ZNF333: variants seen among roughly 807,000 people sequenced by gnomAD.
ZNF333 encodes zinc finger protein 333.
In ZNF333, 61 loss-of-function variants were observed where a neutral mutation model predicts 76.1. The ratio of observed to expected loss-of-function variants is 0.80; its 90% CI spans 0.65 to 0.99. The LOEUF is 0.99. ZNF333 is among the 50% of genes least tolerant of loss of function. The pLI, the probability that ZNF333 is intolerant of heterozygous loss-of-function variation, is 0.00. For synonymous variants in ZNF333, 284 were observed against 305.0 expected, an observed-to-expected ratio of 0.93 and a Z score of 0.72; for missense variants, 717 against 822.4, an observed-to-expected ratio of 0.87 and a Z score of 1.57.
intron 7 of ZNF333, chr19:14,715,005 T>C: frequency 5.5e-6 from 1 of 182,394 alleles, no homozygotes; most frequent in Non-Finnish European, 1.2e-5. Context: ...AATTATGGAG[T>C]CTATGGCTCT....
At chr19:14,696,001 A>G (rs1973157624) in intron 4 of ZNF333, among the ~76,000 whole-genome samples, 1 of 152,156 alleles carries the variant, frequency 6.6e-6, no homozygotes, top group Non-Finnish European at 1.5e-5. Flanking sequence ...CAACATGGCA[A>G]AACCCCATCT....
intron 10 of ZNF333, 158 bp from the exon 11 acceptor site, chr19:14,717,499 C>T: frequency 1.6e-6 from 1 of 624,354 alleles, no homozygotes; most frequent in South Asian, 2.0e-5. Context: ...TTTTCCTTAA[C>T]TTTTAGATGC....
At chr19:14,703,841 G>A (rs2042034028) in intron 5 of ZNF333, among the ~76,000 whole-genome samples, 1 of 152,186 alleles carries the variant, frequency 6.6e-6, no homozygotes, top group Admixed American at 6.5e-5. Flanking sequence ...CACGGGATTT[G>A]GAGATGAAGT....
At position 14,715,487 on chromosome 19, in the gene ZNF333, T is replaced by G. The variant is rs1378028340; in HGVS notation, c.600+17T>G. 6.2e-7 allele frequency: 1 copy of G among 1,611,044 alleles called. No individual in the cohort carries two copies. The highest frequency in any genetic ancestry group is 1.7e-5 in the Admixed American group (1 of 59,902). On this transcript the variant is annotated intron_variant, in intron 8 of 11. Transcript: ENST00000292530. The stretch of plus-strand genomic sequence containing the variant: ...TGTTCACAGGTAGGTAAGAACTTCT[T>G]GTTCTAAAAGAACACTGCTGTGCCC...
exon 12 of ZNF333, chr19:14,732,630 T>G (rs1366437534): frequency 6.6e-6 from 1 of 152,204 alleles, no homozygotes; most frequent in Non-Finnish European, 1.5e-5. Context: ...GTTTTTACAT[T>G]TTTCAAATGG....
At position 14,718,300 on chromosome 19, in the gene ZNF333, C is replaced by T. The variant is rs2042496376; in HGVS notation, c.973C>T (p.Leu325Phe). 1.2e-6 allele frequency: 2 copies of T among 1,614,080 alleles called. No individual in the cohort carries two copies. Among genetic ancestry groups the T allele is most frequent in the Non-Finnish European group, 1.7e-6 (2 of 1,180,050 alleles). The part of the protein sequence containing the change: ...LEKPFNSIEP[L>F]FQYQRIHAGE... ...GAAACCTTTTAACAGCATTGAACCA[C>T]TTTTCCAGTACCAGAGAATTCATGC... is the stretch of plus-strand genomic sequence containing the variant. Residue 325 changes from leucine (L) to phenylalanine (F), a missense_variant, in exon 12 of 12, where the codon CTT (leucine) becomes TTT (phenylalanine). Transcript: ENST00000292530.
chr19:14,699,104 G>GTA, intron 4 of ZNF333, 95 bp from the exon 5 acceptor site: 1 of 930,002 alleles, frequency 1.1e-6, no homozygotes. Context: ...TGTATAGTGT[G>GTA]TATATATATT....
intron 3 of ZNF333, 108 bp from the exon 4 acceptor site, chr19:14,695,458 T>C: frequency 9.2e-7 from 1 of 1,090,938 alleles, no homozygotes; most frequent in Admixed American, 2.0e-5. Context: ...GCCCAGAGAA[T>C]CTGAAGCCCA....
rs201018533 is a variant in ZNF333, at chr19:14,716,175, T to C, written c.664T>C (p.Ser222Pro). ...FTPEEWVFLD[S>P]TQRSLYRDVM... ...CCCAGAAGAATGGGTGTTTCTGGAC[T>C]CTACTCAGAGGAGCCTGTATAGAGA... is the stretch of plus-strand genomic sequence containing the variant. Residue 222 changes from serine to proline, a missense_variant, in exon 9 of 12, where the codon TCT becomes CCT. Ser to Pro is a moderately conservative substitution (Grantham distance 74). Coordinates refer to ENST00000292530, the MANE Select transcript of ZNF333 (RefSeq NM_032433.4). The C allele has an allele frequency of 1.8e-4, 294 of 1,614,164 alleles. 3 individuals are homozygous for C. The South Asian group carries it at 1.8e-3, about 10-fold the overall frequency.
intron 7 of ZNF333, among the ~76,000 whole-genome samples, chr19:14,713,823 T>C (rs2042346590): frequency 6.6e-6 from 1 of 151,776 alleles, no homozygotes; most frequent in Non-Finnish European, 1.5e-5. Context: ...TAACAGGGTG[T>C]GGTGGTGCAC....
At chr19:14,705,941 C>G (rs141270499) in intron 6 of ZNF333, 1 of 354,770 alleles carries the variant, frequency 2.8e-6, no homozygotes, top group African/African-American at 2.1e-5. Context: ...CTGTAAGGCA[C>G]GTCCTGAGCC....
intron 6 of ZNF333, among the ~76,000 whole-genome samples, chr19:14,705,411 G>T (rs2042080410): frequency 6.6e-6 from 1 of 152,126 alleles, no homozygotes; most frequent in Non-Finnish European, 1.5e-5. Flanking sequence ...TGTAGGCCCT[G>T]CCTTTCCTGG....
Position 14,718,475 on chromosome 19 carries a change from G to C in ZNF333, c.1148G>C (p.Arg383Thr). The C allele has an allele frequency of 6.2e-7, 1 of 1,614,206 alleles. No homozygotes were observed. Among genetic ancestry groups the C allele is most frequent in the East Asian group, 2.2e-5 (1 of 44,884 alleles). Residue 383 changes from arginine (R) to threonine (T), a missense_variant, in exon 12 of 12, where the codon AGG becomes ACG. Physicochemically the swap from Arg to Thr is moderately conservative, Grantham distance 71. Transcript: ENST00000292530. Reference sequence around the variant, plus strand: ...TTCAGATACAGCTCTGACCTTATCAGGCATGAGAAGACTCATACTGCAGAG... The same window carrying C: ...TTCAGATACAGCTCTGACCTTATCACGCATGAGAAGACTCATACTGCAGAG... Reference protein sequence around the residue: ...KSFRYSSDLIRHEKTHTAEKC... With the variant: ...KSFRYSSDLITHEKTHTAEKC...
rs2042580486 is a variant in ZNF333, at chr19:14,721,291, T to C, written c.*1966T>C. On this transcript the variant is annotated 3_prime_UTR_variant, in exon 12 of 12. Transcript: ENST00000292530. ...CATTTTTACTTGTTCTTTTTTTTTTTTTTTTTTTTTTTTTGGTTTTAAAGT... is the reference window on the plus strand; with the variant it reads ...CATTTTTACTTGTTCTTTTTTTTTTCTTTTTTTTTTTTTTGGTTTTAAAGT... The C allele has an allele frequency of 6.9e-6, 1 of 145,016 alleles. No homozygotes were observed. The highest frequency in any genetic ancestry group is 2.7e-5 in the African/African-American group (1 of 37,108). 9.0% of individuals were successfully genotyped at this position (145,016 alleles called of 1,614,324 possible).
intron 1 of ZNF333, among the ~76,000 whole-genome samples, chr19:14,690,607 A>C (rs1972687003): frequency 6.6e-6 from 1 of 152,248 alleles, no homozygotes; most frequent in Non-Finnish European, 1.5e-5. Flanking sequence ...CCACATGTGC[A>C]AACTGGTTTA....
At chr19:14,722,050 A>G (rs1421197988), downstream of ZNF333, 1 of 152,230 alleles carries the variant, frequency 6.6e-6, no homozygotes, top group Non-Finnish European at 1.5e-5. Flanking sequence ...TTGTACATCA[A>G]TGAATGAAAG....
At chr19:14,713,968 C>T (rs1207431894) in intron 7 of ZNF333, among the ~76,000 whole-genome samples, 2 of 151,990 alleles carry the variant, frequency 1.3e-5, no homozygotes, top group African/African-American at 4.8e-5. Context: ...CTCAAAACAA[C>T]AACAAACCCA....
Position 14,716,372 on chromosome 19 carries a change from C to T in ZNF333, c.727+134C>T, listed in dbSNP as rs142169602. 8.3e-3 allele frequency: 8,437 copies of T among 1,016,060 alleles called. 49 individuals carry two copies. The highest frequency in any genetic ancestry group is 0.01 in the Non-Finnish European group (7,302 of 716,466). 62.9% of individuals were successfully genotyped at this position (1,016,060 alleles called of 1,614,324 possible). A position where few individuals can be genotyped will look rare whatever the true frequency, so the allele number is the denominator to read the frequency against. On this transcript the variant is annotated intron_variant, in intron 9 of 11. Coordinates refer to ENST00000292530, the MANE Select transcript of ZNF333 (RefSeq NM_032433.4). ...TTCCTGGGCTCAGGTGATCCTCCCA[C>T]CCCAGCCTCCCGAGTAGCTGGGACC...
intron 1 of ZNF333, among the ~76,000 whole-genome samples, 199 bp downstream of exon 1, chr19:14,690,349 C>G (rs1460662422): frequency 1.3e-5 from 2 of 152,212 alleles, no homozygotes; most frequent in South Asian, 2.1e-4. Context: ...CAGGTACCCC[C>G]CGTCCGGGCA....
Sources: gnomAD v4.1 joint callset for allele counts (sites outside exome capture counted in the v4.1 genomes callset) on GRCh38, gnomAD v4.1.1 for gene constraint, MANE v1.5 for transcripts, NCBI Gene and HGNC (gene_info 2026-07-23, HGNC 2026-07-21) for gene names.